PTBP3: variants seen among roughly 807,000 people sequenced by gnomAD.
The protein encoded by PTBP3 is polypyrimidine tract-binding protein 3.
A neutral mutation model predicts 58.7 loss-of-function variants in PTBP3; 20 were observed. That is an observed-to-expected ratio of 0.34 (90% CI 0.24 to 0.50). The LOEUF (loss-of-function observed/expected upper bound fraction) is 0.50. Among genes scored for constraint, PTBP3 ranks in the 20% least tolerant of loss-of-function variants. The probability of loss-of-function intolerance (pLI) is 0.98; values close to 1 mark genes in which losing one functional copy is unlikely to be tolerated. For synonymous variants in PTBP3, 185 were observed against 219.8 expected, an observed-to-expected ratio of 0.84 and a Z score of 1.40; for missense variants, 509 against 637.2, an observed-to-expected ratio of 0.80 and a Z score of 2.17.
chr9:112,335,123 T>G (rs1314230325), upstream of PTBP3, among the ~76,000 whole-genome samples: 3 of 152,186 alleles, frequency 2.0e-5, no homozygotes, highest in Admixed American at 6.5e-5. Context: ...ACAAGTAATA[T>G]CAGCATAAAT....
intron 7 of PTBP3, 113 bp downstream of exon 7, chr9:112,250,816 T>A: frequency 1.8e-6 from 2 of 1,082,386 alleles, no homozygotes; most frequent in East Asian, 5.6e-5. Flanking sequence ...TGCTTTCCTT[T>A]ATAAATCCTG....
the PTBP3 span, among the ~76,000 whole-genome samples, chr9:112,346,728 T>C: frequency 6.6e-6 from 1 of 152,190 alleles, no homozygotes; most frequent in Non-Finnish European, 1.5e-5. Flanking sequence ...ATTCTTTGCT[T>C]GTATGTTTGT....
chr9:112,327,038 T>C (rs1339664047), intron 1 of PTBP3, among the ~76,000 whole-genome samples: 2 of 151,696 alleles, frequency 1.3e-5, no homozygotes, highest in African/African-American at 2.4e-5. Flanking sequence ...GACAACATGG[T>C]GAGGCCTTCG....
chr9:112,357,041 G>A, the PTBP3 span, among the ~76,000 whole-genome samples: 2 of 151,654 alleles, frequency 1.3e-5, no homozygotes, highest in African/African-American at 2.4e-5. Flanking sequence ...CACCACACCC[G>A]GCTAATTTTT....
chr9:112,254,926 A>T (rs140849057), intron 5 of PTBP3, among the ~76,000 whole-genome samples: 84 of 152,368 alleles, frequency 5.5e-4, no homozygotes, highest in African/African-American at 1.9e-3. Flanking sequence ...ACCCATGTGT[A>T]TCGCAGCATT....
At chr9:112,359,287 GA>G in the PTBP3 span, among the ~76,000 whole-genome samples, 86 of 147,744 alleles carry the variant, frequency 5.8e-4, no homozygotes, top group South Asian at 6.7e-3. Context: ...CTAAAAAATA[GA>G]AAAAAAAAAT....
the PTBP3 span, among the ~76,000 whole-genome samples, chr9:112,374,624 C>G: frequency 1.3e-5 from 2 of 152,180 alleles, no homozygotes; most frequent in Non-Finnish European, 2.9e-5. Flanking sequence ...TGATGGGGAA[C>G]ATGGTAAGAC....
intron 1 of PTBP3, among the ~76,000 whole-genome samples, chr9:112,324,748 T>C (rs1472680724): frequency 6.6e-6 from 1 of 151,114 alleles, no homozygotes; most frequent in Non-Finnish European, 1.5e-5. Context: ...CATAAAAAAC[T>C]CACCACCACC....
chr9:112,365,947 T>C, the PTBP3 span, among the ~76,000 whole-genome samples: 1 of 152,172 alleles, frequency 6.6e-6, no homozygotes, highest in Non-Finnish European at 1.5e-5. Flanking sequence ...GACAATGCGA[T>C]AGAAAAGAAA....
At chr9:112,320,291 A>AAAAATATATATAT (rs1411646280) in intron 1 of PTBP3, among the ~76,000 whole-genome samples, 3 of 73,528 alleles carry the variant, frequency 4.1e-5, no homozygotes, top group African/African-American at 2.7e-4. Context: ...AAAAAAAAAA[A>AAAAATATATATAT]ATATATATAT....
the PTBP3 span, among the ~76,000 whole-genome samples, chr9:112,376,197 A>ATGTGTG: frequency 1.8e-5 from 2 of 112,112 alleles, no homozygotes; most frequent in Admixed American, 9.6e-5. Context: ...TTCCTTATAT[A>ATGTGTG]CGTGTGTGTG....
chr9:112,268,227 C>T, intron 3 of PTBP3, 32 bp from the exon 4 acceptor site: 5 of 1,583,860 alleles, frequency 3.2e-6, no homozygotes, highest in East Asian at 2.2e-5. Context: ...AAAGTTAAAG[C>T]TCATCTTTTT....
At chr9:112,301,072 G>C (rs1414414946) in intron 1 of PTBP3, among the ~76,000 whole-genome samples, 1 of 151,944 alleles carries the variant, frequency 6.6e-6, no homozygotes, top group Non-Finnish European at 1.5e-5. Context: ...AGAATAAAAA[G>C]ACAACATGGA....
chr9:112,350,186 A>G, the PTBP3 span, among the ~76,000 whole-genome samples: 1 of 152,144 alleles, frequency 6.6e-6, no homozygotes, highest in Non-Finnish European at 1.5e-5. Context: ...ATGCAAAAGC[A>G]TAAGAATGAT....
the PTBP3 span, among the ~76,000 whole-genome samples, chr9:112,351,811 C>G: frequency 6.6e-6 from 1 of 152,118 alleles, no homozygotes; most frequent in Non-Finnish European, 1.5e-5. Flanking sequence ...CTTTGACATA[C>G]CCCTCATCAA....
At chr9:112,311,414 A>G (rs1383328734) in intron 1 of PTBP3, among the ~76,000 whole-genome samples, 1 of 152,208 alleles carries the variant, frequency 6.6e-6, no homozygotes, top group Non-Finnish European at 1.5e-5. Flanking sequence ...TAAAGTATTC[A>G]GAAGGAACTG....
intron 1 of PTBP3, among the ~76,000 whole-genome samples, chr9:112,320,338 G>GA (rs1178418033): frequency 6.3e-5 from 2 of 31,822 alleles, no homozygotes; most frequent in Non-Finnish European, 9.7e-5. Flanking sequence ...GTTATCACCA[G>GA]AAAAAATGAT....
At chr9:112,276,044 C>T in intron 2 of PTBP3, 31 bp from the exon 3 acceptor site, 1 of 1,571,544 alleles carries the variant, frequency 6.4e-7, no homozygotes, top group Non-Finnish European at 8.8e-7. Context: ...TTTTAAATTA[C>T]TGCAACTAAT....
intron 6 of PTBP3, 177 bp downstream of exon 6, chr9:112,252,501 G>A (rs1363827911): frequency 3.6e-6 from 2 of 563,194 alleles, no homozygotes; most frequent in East Asian, 3.0e-5. Flanking sequence ...ATATGAAGTA[G>A]TAATGATTTT....
Sources: gnomAD v4.1 joint callset for allele counts (sites outside exome capture counted in the v4.1 genomes callset) on GRCh38, gnomAD v4.1.1 for gene constraint, MANE v1.5 for transcripts, NCBI Gene and HGNC (gene_info 2026-07-23, HGNC 2026-07-21) for gene names.